The following PAX5 variants were observed in gnomAD, a reference collection of about 807,000 sequenced individuals.
PAX5 encodes paired box protein Pax-5.
Under a neutral mutation model 43.7 loss-of-function variants are expected in PAX5, and 9 were observed. That is an observed-to-expected ratio of 0.21 (90% CI 0.12 to 0.36). PAX5 has a LOEUF of 0.36. Among genes scored for constraint, PAX5 ranks in the 10% least tolerant of loss-of-function variants. The pLI, the probability that PAX5 is intolerant of heterozygous loss-of-function variation, is 1.00. For missense variants in PAX5, 383 were observed against 532.7 expected, an observed-to-expected ratio of 0.72 and a Z score of 2.77; for synonymous variants, 228 against 214.3, an observed-to-expected ratio of 1.06 and a Z score of -0.56.
In PAX5 at chr9:36,835,436, A is replaced by T. The variant is rs1821575013; in HGVS notation, c.*5124T>A. 4.3e-6 allele frequency: 1 copy of T among 232,276 alleles called. No homozygotes were observed. The highest frequency in any genetic ancestry group is 2.2e-5 in the African/African-American group (1 of 45,288). The allele number at this position is 232,276 out of a possible 1,614,324, so 14.4% of individuals were successfully genotyped here. A position where few individuals can be genotyped will look rare whatever the true frequency, so the allele number is the denominator to read the frequency against. ...GGGGCTCACAGCCTGGCCTCTGCAG[A>T]GGCCCTTGGGACCTGGCGCCACACG... On this transcript the variant is annotated 3_prime_UTR_variant, in exon 10 of 10. Coordinates refer to ENST00000358127, the MANE Select transcript of PAX5 (RefSeq NM_016734.3).
At chr9:36,952,055 T>C (rs1047793796) in intron 6 of PAX5, among the ~76,000 whole-genome samples, 2 of 152,182 alleles carry the variant, frequency 1.3e-5, no homozygotes, top group African/African-American at 2.4e-5. Context: ...AAACTATGAA[T>C]TACTTTTACA....
chr9:36,930,361 C>A (rs1156563548), intron 6 of PAX5, among the ~76,000 whole-genome samples: 1 of 150,644 alleles, frequency 6.6e-6, no homozygotes. Context: ...GTAGCTGGGA[C>A]TACAGGCACA....
intron 6 of PAX5, among the ~76,000 whole-genome samples, chr9:36,931,219 G>A (rs894134528): frequency 1.3e-5 from 2 of 152,244 alleles, no homozygotes; most frequent in African/African-American, 2.4e-5. Context: ...ACAGAAGCTG[G>A]AGTGGGTGAG....
chr9:37,011,128 CAAAAAAAA>C (rs1225031293), intron 3 of PAX5, among the ~76,000 whole-genome samples: 1 of 100,950 alleles, frequency 9.9e-6, no homozygotes, highest in African/African-American at 3.2e-5. Context: ...CTCAAAAAAA[CAAAAAAAA>C]AAAAAAAAAA....
In PAX5 at chr9:36,994,087, C is replaced by T. The variant is rs935019398; in HGVS notation, c.604+8561G>A. Among the ~76,000 whole-genome samples the T allele has an allele frequency of 2.0e-5, 3 of 152,288 alleles. No homozygotes were observed. The South Asian group carries it at 6.2e-4, about 32-fold the overall frequency. ...GCGAGGAGGAACCGAAACCTGAGCC[C>T]CCACCCGTGGGACAGGCCCTGGGCA... is the stretch of plus-strand genomic sequence containing the variant. On this transcript the variant is annotated intron_variant, in intron 5 of 9. Transcript: ENST00000358127.
intron 6 of PAX5, among the ~76,000 whole-genome samples, chr9:36,945,681 G>A (rs1832434735): frequency 6.6e-6 from 1 of 152,224 alleles, no homozygotes; most frequent in South Asian, 2.1e-4. Flanking sequence ...CACAGCCATT[G>A]TTTCTGGCAA....
chr9:37,020,631 T>G lies in PAX5; in HGVS notation c.212+5A>C. ...TCAAGGGAAGCCTCGAGCTACTGCC[T>G]TTACCTGCCAAGAATTTTGCTGACA... On this transcript the variant is annotated splice_donor_5th_base_variant and intron_variant, in intron 2 of 9. Transcript: ENST00000358127. The G allele has an allele frequency of 6.2e-7, 1 of 1,614,162 alleles. No homozygotes were observed. The highest frequency in any genetic ancestry group is 8.5e-7 in the Non-Finnish European group (1 of 1,179,990).
chr9:36,927,529 C>A (rs535145593), intron 6 of PAX5, among the ~76,000 whole-genome samples: 66 of 152,256 alleles, frequency 4.3e-4, no homozygotes, highest in African/African-American at 1.5e-3. Context: ...CTTTTTAAGA[C>A]AAGAAATCTT....
intron 5 of PAX5, among the ~76,000 whole-genome samples, chr9:36,988,497 C>A (rs1362860176): frequency 1.3e-5 from 2 of 151,700 alleles, no homozygotes; most frequent in Non-Finnish European, 2.9e-5. Flanking sequence ...CTTGTCTTGA[C>A]AAAAAAATTT....
chr9:37,016,181 A>G (rs1463384212), intron 2 of PAX5, among the ~76,000 whole-genome samples: 1 of 152,130 alleles, frequency 6.6e-6, no homozygotes, highest in Non-Finnish European at 1.5e-5. Context: ...TTGAACTACA[A>G]TTTCCCCAAT....
chr9:37,032,036 T>G (rs574980043), intron 1 of PAX5, among the ~76,000 whole-genome samples: 18 of 152,176 alleles, frequency 1.2e-4, no homozygotes, highest in Non-Finnish European at 2.6e-4. Flanking sequence ...CAGATGGAAG[T>G]GCAGTCTCAC....
chr9:36,935,439 G>C (rs1831471250), intron 6 of PAX5, among the ~76,000 whole-genome samples: 1 of 152,090 alleles, frequency 6.6e-6, no homozygotes, highest in African/African-American at 2.4e-5. Flanking sequence ...CTTCCAAGAA[G>C]AGATCTATAC....
At chr9:37,031,373 A>G (rs545813767) in intron 1 of PAX5, among the ~76,000 whole-genome samples, 1 of 152,208 alleles carries the variant, frequency 6.6e-6, no homozygotes, top group African/African-American at 2.4e-5. Flanking sequence ...AGCTTCATGG[A>G]TGGGGGTTAT....
chr9:36,850,155 G>A (rs1823018439), intron 8 of PAX5, among the ~76,000 whole-genome samples: 1 of 152,246 alleles, frequency 6.6e-6, no homozygotes, highest in Non-Finnish European at 1.5e-5. Context: ...TGCATGGCCA[G>A]GTCTTCCGTG....
intron 6 of PAX5, among the ~76,000 whole-genome samples, chr9:36,948,151 C>G (rs761356699): frequency 1.3e-5 from 2 of 152,188 alleles, no homozygotes; most frequent in African/African-American, 4.8e-5. Flanking sequence ...TGAGGGGGAG[C>G]AAACTATCCC....
intron 3 of PAX5, among the ~76,000 whole-genome samples, chr9:37,013,364 T>C (rs576592563): frequency 1.5e-4 from 23 of 152,240 alleles, no homozygotes; most frequent in African/African-American, 5.5e-4. Flanking sequence ...ATGTAAGGCA[T>C]TAGATTTTGT....
chr9:37,032,588 T>C (rs1841089435), intron 1 of PAX5, among the ~76,000 whole-genome samples: 1 of 152,234 alleles, frequency 6.6e-6, no homozygotes, highest in Admixed American at 6.5e-5. Flanking sequence ...GAAGTTGTCC[T>C]GGGCTTGGGG....
intron 5 of PAX5, among the ~76,000 whole-genome samples, chr9:36,983,338 T>C (rs1836097215): frequency 1.3e-5 from 2 of 152,226 alleles, no homozygotes; most frequent in Admixed American, 6.5e-5. Flanking sequence ...TCCACATTTA[T>C]AGCTGCTGCA....
intron 1 of PAX5, among the ~76,000 whole-genome samples, chr9:37,028,722 C>T (rs138458608): frequency 6.6e-6 from 1 of 152,200 alleles, no homozygotes; most frequent in African/African-American, 2.4e-5. Flanking sequence ...GGTGGACAGG[C>T]GCATTCTATC....
Sources: gnomAD v4.1 joint callset for allele counts (sites outside exome capture counted in the v4.1 genomes callset) on GRCh38, gnomAD v4.1.1 for gene constraint, MANE v1.5 for transcripts, NCBI Gene and HGNC (gene_info 2026-07-23, HGNC 2026-07-21) for gene names.